Variants in DACH2 observed in about 807,000 individuals in gnomAD.
DACH2 encodes dachshund family transcription factor 2.
A neutral mutation model predicts 35.8 loss-of-function variants in DACH2; 17 were observed. That is an observed-to-expected ratio of 0.48 (90% CI 0.33 to 0.71). DACH2 has a LOEUF of 0.71. Ranked by LOEUF, DACH2 falls within the 30% of genes least tolerant of loss-of-function variation. The probability of loss-of-function intolerance (pLI) is 0.02; values close to 1 mark genes in which losing one functional copy is unlikely to be tolerated. For synonymous variants in DACH2, 195 were observed against 177.3 expected, an observed-to-expected ratio of 1.10 and a Z score of -0.79; for missense variants, 469 against 472.7, an observed-to-expected ratio of 0.99 and a Z score of 0.07.
At chrX:86,588,088 G>T (rs769074274) in intron 3 of DACH2, among the ~76,000 whole-genome samples, 1 of 111,323 alleles carries the variant, frequency 9.0e-6, no homozygotes, top group Non-Finnish European at 1.9e-5. Context: ...TCTGAGTATG[G>T]ATAGACAGTT....
At chrX:86,433,356 T>C (rs2037015380) in intron 2 of DACH2, among the ~76,000 whole-genome samples, 1 of 111,876 alleles carries the variant, frequency 8.9e-6, no homozygotes, top group South Asian at 3.7e-4. Context: ...CTAACACATA[T>C]TATTGTGGTT....
At chrX:86,332,113 A>T (rs2035224563) in intron 1 of DACH2, among the ~76,000 whole-genome samples, 1 of 111,472 alleles carries the variant, frequency 9.0e-6, no homozygotes, top group African/African-American at 3.3e-5. Context: ...CTTTAAATTT[A>T]TGGTTATATA....
intron 1 of DACH2, among the ~76,000 whole-genome samples, chrX:86,183,892 GT>G (rs774297576): frequency 9.0e-6 from 1 of 111,303 alleles, no homozygotes; most frequent in South Asian, 3.8e-4. Flanking sequence ...CTTCTTCCTG[GT>G]TTAGACTTGG....
intron 4 of DACH2, among the ~76,000 whole-genome samples, chrX:86,686,212 G>A (rs966251377): frequency 9.0e-6 from 1 of 110,781 alleles, no homozygotes; most frequent in Non-Finnish European, 1.9e-5. Flanking sequence ...GAATTGAAGG[G>A]TATTTTTATT....
chrX:86,429,723 C>A (rs375594897), intron 2 of DACH2, among the ~76,000 whole-genome samples: 7 of 109,859 alleles, frequency 6.4e-5, no homozygotes, highest in African/African-American at 1.0e-4. Context: ...CCAGGACACC[C>A]AGCTAGTTTT....
At chrX:86,545,162 C>T (rs60662896) in intron 3 of DACH2, among the ~76,000 whole-genome samples, 30,144 of 110,694 alleles carry the variant, frequency 0.27, 4,139 homozygotes, top group African/African-American at 0.53. Flanking sequence ...GAAAAGCCCA[C>T]CAACAGGAGA....
intron 3 of DACH2, among the ~76,000 whole-genome samples, chrX:86,529,769 G>T (rs1394094186): frequency 1.8e-5 from 2 of 111,000 alleles, no homozygotes; most frequent in Admixed American, 9.6e-5. Context: ...ACCACTCCCA[G>T]CTGTGATCAA....
intron 3 of DACH2, among the ~76,000 whole-genome samples, chrX:86,529,699 C>A (rs1300569969): frequency 9.3e-6 from 1 of 107,448 alleles, no homozygotes; most frequent in Non-Finnish European, 1.9e-5. Flanking sequence ...GTCTCAATCT[C>A]CTGACCTCGT....
At chrX:86,787,958 G>A (rs1347709506) in intron 7 of DACH2, among the ~76,000 whole-genome samples, 2 of 111,203 alleles carry the variant, frequency 1.8e-5, no homozygotes, top group Non-Finnish European at 3.8e-5. Flanking sequence ...GGCCAAGCGG[G>A]CAACTTGAGA....
chrX:86,697,817 G>A (rs969567471), intron 5 of DACH2, among the ~76,000 whole-genome samples: 2 of 111,257 alleles, frequency 1.8e-5, no homozygotes, highest in Admixed American at 1.9e-4. Context: ...TACTTCCCAA[G>A]CTGAAAAAAG....
At chrX:86,262,253 A>G (rs2033640469) in intron 1 of DACH2, among the ~76,000 whole-genome samples, 1 of 111,012 alleles carries the variant, frequency 9.0e-6, no homozygotes, top group Non-Finnish European at 1.9e-5. Flanking sequence ...CTGCCACTGC[A>G]CTCCAGCCTG....
At chrX:86,802,950 C>T (rs774602069) in intron 7 of DACH2, among the ~76,000 whole-genome samples, 2 of 112,285 alleles carry the variant, frequency 1.8e-5, no homozygotes, top group East Asian at 5.6e-4. Context: ...ATGATGCAAA[C>T]TGTTATAATG....
At chrX:86,511,532 A>G (rs749598526) in intron 2 of DACH2, among the ~76,000 whole-genome samples, 1 of 111,824 alleles carries the variant, frequency 8.9e-6, no homozygotes, top group African/African-American at 3.2e-5. Flanking sequence ...CTCTATAACT[A>G]GACCACAAGC....
intron 5 of DACH2, among the ~76,000 whole-genome samples, chrX:86,711,777 A>G (rs191874208): frequency 1.4e-4 from 16 of 112,564 alleles, no homozygotes; most frequent in Admixed American, 4.7e-4. Flanking sequence ...ATTGCAGGTC[A>G]TGATTTCAAA....
chrX:86,514,639 T>C (rs1010678874), intron 3 of DACH2, among the ~76,000 whole-genome samples: 2 of 111,864 alleles, frequency 1.8e-5, no homozygotes, highest in African/African-American at 6.5e-5. Flanking sequence ...TGTTTGTATA[T>C]ATGTATATGT....
At chrX:86,277,094 G>A (rs185336650) in intron 1 of DACH2, among the ~76,000 whole-genome samples, 170 of 111,683 alleles carry the variant, frequency 1.5e-3, no homozygotes, top group African/African-American at 5.4e-3. Context: ...GATAGGGATA[G>A]CACTGATTCT....
chrX:86,186,487 C>T (rs1239716468), intron 1 of DACH2, among the ~76,000 whole-genome samples: 1 of 111,944 alleles, frequency 8.9e-6, no homozygotes, highest in Non-Finnish European at 1.9e-5. Flanking sequence ...ATTGAGCCTA[C>T]CATTGTTCTG....
intron 3 of DACH2, among the ~76,000 whole-genome samples, chrX:86,560,614 TC>T (rs2039203687): frequency 1.1e-5 from 1 of 92,195 alleles, no homozygotes; most frequent in Non-Finnish European, 2.1e-5. Context: ...AACTATCTGA[TC>T]TTTGACAAAC....
chrX:86,567,464 T>C (rs1602654110), intron 3 of DACH2, among the ~76,000 whole-genome samples: 1 of 111,110 alleles, frequency 9.0e-6, no homozygotes, highest in Non-Finnish European at 1.9e-5. Context: ...AATCCCATCT[T>C]GAGGAGATAA....
Sources: gnomAD v4.1 joint callset for allele counts (sites outside exome capture counted in the v4.1 genomes callset) on GRCh38, gnomAD v4.1.1 for gene constraint, MANE v1.5 for transcripts, NCBI Gene and HGNC (gene_info 2026-07-23, HGNC 2026-07-21) for gene names.